GABRA5: variants seen among roughly 807,000 people sequenced by gnomAD.
GABRA5 encodes the protein gamma-aminobutyric acid receptor subunit alpha-5.
A neutral mutation model predicts 47.3 loss-of-function variants in GABRA5; 18 were observed. That is an observed-to-expected ratio of 0.38 (90% CI 0.26 to 0.56). GABRA5 has a LOEUF of 0.56. Ranked by LOEUF, GABRA5 falls within the 20% of genes least tolerant of loss-of-function variation. The pLI is 0.71. For missense variants in GABRA5, 365 were observed against 599.3 expected, an observed-to-expected ratio of 0.61 and a Z score of 4.08; for synonymous variants, 237 against 229.3, an observed-to-expected ratio of 1.03 and a Z score of -0.30.
intron 7 of GABRA5, among the ~76,000 whole-genome samples, chr15:26,919,353 A>T (rs1012587706): frequency 3.3e-5 from 5 of 151,488 alleles, no homozygotes; most frequent in Admixed American, 1.3e-4. Context: ...GTGCTTCATT[A>T]TTTTTTTTGT....
rs112220833 is a variant in GABRA5, at chr15:26,931,991, T to C, written c.581-5194T>C. Among the ~76,000 whole-genome samples the C allele has an allele frequency of 1.2e-3, 189 of 152,272 alleles. 1 individual carries two copies. Among genetic ancestry groups the C allele is most frequent in the African/African-American group, 4.3e-3 (180 of 41,546 alleles). ...AATCAAGATGGATTAAAGATTTAAA[T>C]GTCAAACCCAACACTATAAAAACCC... On this transcript the variant is annotated intron_variant, in intron 7 of 10. Transcript: ENST00000335625.
At chr15:26,895,387 G>A (rs1566871464) in intron 6 of GABRA5, among the ~76,000 whole-genome samples, 1 of 152,110 alleles carries the variant, frequency 6.6e-6, no homozygotes, top group Non-Finnish European at 1.5e-5. Flanking sequence ...TTCTGTGCCT[G>A]TGCAGGCTCT....
At chr15:26,903,066 G>A (rs141387692) in intron 6 of GABRA5, among the ~76,000 whole-genome samples, 5 of 151,980 alleles carry the variant, frequency 3.3e-5, no homozygotes. Context: ...CTGGTATTAA[G>A]CCTAGTAGCC....
chr15:26,895,451 G>C (rs1333568079), intron 6 of GABRA5, among the ~76,000 whole-genome samples: 1 of 152,010 alleles, frequency 6.6e-6, no homozygotes, highest in Non-Finnish European at 1.5e-5. Context: ...AGTGTGACTT[G>C]GGAGAAGTTA....
chr15:26,909,168 C>T lies in GABRA5; in HGVS notation c.498-5635C>T, dbSNP rs1217050149. Among the ~76,000 whole-genome samples the T allele has an allele frequency of 2.0e-5, 3 of 152,138 alleles. No individual in the cohort carries two copies. The East Asian group carries it at 5.8e-4, about 29-fold the overall frequency. ...CAATCTGTGTCCTTGCCTCTCCCAG[C>T]CTCTGGAGGGGCCAGATTCCTTGGT... is the stretch of plus-strand genomic sequence containing the variant. On this transcript the variant is annotated intron_variant, in intron 6 of 10. Coordinates refer to ENST00000335625, the MANE Select transcript of GABRA5 (RefSeq NM_000810.4).
chr15:26,891,480 A>G (rs1350029116), intron 6 of GABRA5, among the ~76,000 whole-genome samples: 1 of 152,176 alleles, frequency 6.6e-6, no homozygotes, highest in African/African-American at 2.4e-5. Flanking sequence ...CAAGCATGCA[A>G]CAGGAAGCTA....
intron 6 of GABRA5, among the ~76,000 whole-genome samples, chr15:26,886,089 G>A (rs1210483140): frequency 1.3e-5 from 2 of 152,068 alleles, no homozygotes; most frequent in Non-Finnish European, 2.9e-5. Flanking sequence ...GCACGATCTC[G>A]GTTCACTGCA....
In GABRA5 at chr15:26,867,084, C is replaced by T. The variant is rs1246965023; in HGVS notation, c.-167C>T. The T allele has an allele frequency of 3.9e-5, 6 of 152,360 alleles. No homozygotes were observed. In the East Asian group the frequency reaches 1.2e-3, roughly 30 times the overall value. The allele number at this position is 152,360 out of a possible 1,614,324, so 9.4% of individuals were successfully genotyped here. A position where few individuals can be genotyped will look rare whatever the true frequency, so the allele number is the denominator to read the frequency against. On this transcript the variant is annotated 5_prime_UTR_variant, in exon 1 of 11. Transcript: ENST00000335625. The surrounding 1 kb of genome is among the most constrained non-coding windows in gnomAD (Gnocchi z 5.9). ...TCTGCAGAGGGCCGATCCTCCAGCC[C>T]AGAGACGACATGTGGCGCTCGGGCG...
intron 7 of GABRA5, among the ~76,000 whole-genome samples, chr15:26,928,890 G>C (rs1185948657): frequency 6.6e-6 from 1 of 152,080 alleles, no homozygotes; most frequent in African/African-American, 2.4e-5. Context: ...CGATGGAAGG[G>C]GTGAGTGAAT....
Position 26,934,945 on chromosome 15 carries a change from G to A in GABRA5, c.581-2240G>A, listed in dbSNP as rs545818745. ...GAGTGAAAATGTTTCAGACCTTCTT[G>A]CCTGGCTCTGCTGATGTGTGGTCAG... On this transcript the variant is annotated intron_variant, in intron 7 of 10. Transcript: ENST00000335625. 4.6e-5 allele frequency among the ~76,000 whole-genome samples: 7 copies of A among 152,280 alleles called. No homozygotes were observed. In the South Asian group the frequency reaches 1.5e-3, roughly 32 times the overall value.
intron 6 of GABRA5, among the ~76,000 whole-genome samples, chr15:26,890,921 C>T (rs1892990988): frequency 6.6e-6 from 1 of 152,046 alleles, no homozygotes; most frequent in South Asian, 2.1e-4. Context: ...GGAAAGAGAT[C>T]CAGAGAATGT....
intron 6 of GABRA5, among the ~76,000 whole-genome samples, chr15:26,898,302 G>T (rs1045789223): frequency 4.5e-5 from 5 of 112,102 alleles, no homozygotes; most frequent in African/African-American, 1.3e-4. Flanking sequence ...CAGCTGTGCT[G>T]GTGAGGCTAC....
At chr15:26,913,609 A>T (rs934641113) in intron 6 of GABRA5, among the ~76,000 whole-genome samples, 1 of 152,202 alleles carries the variant, frequency 6.6e-6, no homozygotes, top group Non-Finnish European at 1.5e-5. Context: ...CTAAAAATAG[A>T]ATTATAACAT....
chr15:26,931,482 A>G (rs1421107216), intron 7 of GABRA5, among the ~76,000 whole-genome samples: 1 of 152,166 alleles, frequency 6.6e-6, no homozygotes, highest in East Asian at 1.9e-4. Flanking sequence ...TCTTACAACC[A>G]ATCCCATTTA....
intron 6 of GABRA5, among the ~76,000 whole-genome samples, chr15:26,891,217 CAT>C (rs1311598549): frequency 1.3e-5 from 2 of 152,198 alleles, no homozygotes; most frequent in Non-Finnish European, 2.9e-5. Context: ...ATCTCCAGCA[CAT>C]GTTTGCTTTC....
chr15:26,934,611 G>A (rs1330318449), intron 7 of GABRA5, among the ~76,000 whole-genome samples: 1 of 152,006 alleles, frequency 6.6e-6, no homozygotes, highest in African/African-American at 2.4e-5. Flanking sequence ...CTAAATACTC[G>A]ACATTCACAT....
intron 6 of GABRA5, among the ~76,000 whole-genome samples, chr15:26,888,195 G>A (rs1035725289): frequency 1.2e-4 from 18 of 152,188 alleles, no homozygotes; most frequent in Admixed American, 5.9e-4. Flanking sequence ...TTCCTACCAC[G>A]AGTGGGTCAT....
At chr15:26,906,404 A>G (rs1487673164) in intron 6 of GABRA5, among the ~76,000 whole-genome samples, 1 of 152,204 alleles carries the variant, frequency 6.6e-6, no homozygotes, top group African/African-American at 2.4e-5. Context: ...ACATTGCTAT[A>G]ACTTTGCTTT....
chr15:26,873,231 A>G (rs962410060), intron 3 of GABRA5, among the ~76,000 whole-genome samples: 5 of 152,238 alleles, frequency 3.3e-5, no homozygotes, highest in African/African-American at 1.2e-4. Context: ...TATTAGATTT[A>G]AACTGGAATT....
Sources: gnomAD v4.1 joint callset for allele counts (sites outside exome capture counted in the v4.1 genomes callset) on GRCh38, gnomAD v4.1.1 for gene constraint, Gnocchi (gnomAD v3.1) non-coding constraint, MANE v1.5 for transcripts, NCBI Gene and HGNC (gene_info 2026-07-23, HGNC 2026-07-21) for gene names.